KIF16B: variants seen among roughly 807,000 people sequenced by gnomAD.
KIF16B encodes the protein kinesin family member 16B.
In KIF16B, 98 loss-of-function variants were observed where a neutral mutation model predicts 156.3. That is an observed-to-expected ratio of 0.63 (90% CI 0.53 to 0.74). The LOEUF is 0.74. KIF16B is among the 30% of genes least tolerant of loss of function. The probability of loss-of-function intolerance (pLI) is 0.00; values close to 1 mark genes in which losing one functional copy is unlikely to be tolerated. For missense variants in KIF16B, 1,421 were observed against 1,606.5 expected (o/e 0.88, Z 1.97); for synonymous variants, 564 against 583.7 (o/e 0.97, Z 0.49).
intron 25 of KIF16B, among the ~76,000 whole-genome samples, chr20:16,286,645 T>C (rs766484949): frequency 1.2e-4 from 19 of 152,180 alleles, no homozygotes; most frequent in Non-Finnish European, 2.4e-4. Flanking sequence ...CCCAGAATCA[T>C]TTAAAAATAA....
intron 12 of KIF16B, among the ~76,000 whole-genome samples, chr20:16,444,107 G>A (rs1032982203): frequency 6.6e-6 from 1 of 152,200 alleles, no homozygotes; most frequent in Non-Finnish European, 1.5e-5. Flanking sequence ...TCTTTCCTAA[G>A]CCATTACAAA....
chr20:16,423,817 G>A (rs2066283605), intron 15 of KIF16B, among the ~76,000 whole-genome samples: 1 of 152,040 alleles, frequency 6.6e-6, no homozygotes, highest in Non-Finnish European at 1.5e-5. Flanking sequence ...TGTGACTACA[G>A]TCTAGACTCC....
rs552980434 is a variant in KIF16B at position 16,412,415 on chromosome 20, G to T, written c.1613-5959C>A. ...GAAGAGAAAGAGTTGGTAGTAGCCA[G>T]AGGGGATGATAGTGTATTAGTCCAT... On this transcript the variant is annotated intron_variant, in intron 15 of 25. Transcript: ENST00000354981. 3.5e-4 allele frequency among the ~76,000 whole-genome samples: 54 copies of T among 152,250 alleles called. No homozygotes were observed. In the South Asian group the frequency reaches 6.8e-3, roughly 19 times the overall value.
intron 1 of KIF16B, among the ~76,000 whole-genome samples, chr20:16,572,894 C>T (rs1490866362): frequency 6.7e-6 from 1 of 150,118 alleles, no homozygotes; most frequent in African/African-American, 2.5e-5. Flanking sequence ...GGTGCCCCCC[C>T]TCAGCACTCT....
intron 25 of KIF16B, among the ~76,000 whole-genome samples, chr20:16,311,491 CAAAACAAAAACA>C (rs1190532271): frequency 2.0e-5 from 3 of 152,034 alleles, no homozygotes; most frequent in East Asian, 1.9e-4. Flanking sequence ...CCGTCTCAAA[CAAAACAAAAACA>C]AAAACAAAAA....
chr20:16,281,486 C>T (rs995957971), intron 25 of KIF16B, among the ~76,000 whole-genome samples: 6 of 152,146 alleles, frequency 3.9e-5, no homozygotes, highest in Admixed American at 6.5e-5. Flanking sequence ...ACGCATCGAC[C>T]CAGTGTGGTC....
intron 22 of KIF16B, among the ~76,000 whole-genome samples, chr20:16,365,845 C>T (rs1383481226): frequency 6.6e-6 from 1 of 152,142 alleles, no homozygotes; most frequent in Admixed American, 6.5e-5. Flanking sequence ...ATCACTGACT[C>T]ACTCAGCTGC....
At chr20:16,451,559 A>T (rs567475575) in intron 12 of KIF16B, among the ~76,000 whole-genome samples, 1 of 151,608 alleles carries the variant, frequency 6.6e-6, no homozygotes, top group Non-Finnish European at 1.5e-5. Context: ...CCACCACCAC[A>T]ACAACAACAA....
At chr20:16,328,763 C>T (rs2063898959) in intron 24 of KIF16B, among the ~76,000 whole-genome samples, 1 of 152,140 alleles carries the variant, frequency 6.6e-6, no homozygotes, top group South Asian at 2.1e-4. Context: ...GATTCAGTAC[C>T]TGCTGAGGTC....
intron 25 of KIF16B, among the ~76,000 whole-genome samples, chr20:16,281,457 T>G (rs1232098910): frequency 2.6e-5 from 4 of 152,176 alleles, no homozygotes; most frequent in Non-Finnish European, 5.9e-5. Context: ...AGAGTTCAGG[T>G]CACCCCTGGC....
chr20:16,393,628 A>G (rs1404815657), intron 17 of KIF16B, among the ~76,000 whole-genome samples: 1 of 152,246 alleles, frequency 6.6e-6, no homozygotes, highest in Non-Finnish European at 1.5e-5. Context: ...GTTGGAATAC[A>G]GTACTGAAAA....
At chr20:16,278,897 G>A (rs2063104016) in intron 25 of KIF16B, among the ~76,000 whole-genome samples, 1 of 152,144 alleles carries the variant, frequency 6.6e-6, no homozygotes, top group African/African-American at 2.4e-5. Flanking sequence ...TTAGCTGCTT[G>A]GGTCAGATGC....
At chr20:16,472,179 C>T (rs2067680274) in intron 12 of KIF16B, among the ~76,000 whole-genome samples, 1 of 152,188 alleles carries the variant, frequency 6.6e-6, no homozygotes, top group Admixed American at 6.5e-5. Context: ...GTCTTATCTG[C>T]ATATGCTTTC....
intron 15 of KIF16B, among the ~76,000 whole-genome samples, chr20:16,420,502 T>G (rs2066199222): frequency 6.6e-6 from 1 of 152,052 alleles, no homozygotes; most frequent in Non-Finnish European, 1.5e-5. Context: ...ATACCAAATA[T>G]CAGCAATAAA....
chr20:16,289,399 C>T (rs1030078546), intron 25 of KIF16B, among the ~76,000 whole-genome samples: 1 of 152,112 alleles, frequency 6.6e-6, no homozygotes, highest in African/African-American at 2.4e-5. Context: ...TTTGGAAACA[C>T]ATGGGCTTAA....
chr20:16,524,621 T>G (rs1488669051), intron 3 of KIF16B, among the ~76,000 whole-genome samples: 1 of 152,214 alleles, frequency 6.6e-6, no homozygotes, highest in Admixed American at 6.5e-5. Flanking sequence ...AGTGTGGCGA[T>G]TCCTCAAGGA....
chr20:16,341,169 G>A (rs1049624451), intron 23 of KIF16B, among the ~76,000 whole-genome samples: 1 of 152,060 alleles, frequency 6.6e-6, no homozygotes, highest in Non-Finnish European at 1.5e-5. Flanking sequence ...ACTTAACATC[G>A]GCAATAGTTC....
rs1446416904 is a variant in KIF16B, at chr20:16,556,117, C to G, written c.47+17112G>C. On this transcript the variant is annotated intron_variant, in intron 1 of 25. Coordinates refer to ENST00000354981, the MANE Select transcript of KIF16B (RefSeq NM_024704.5). ...ATCAGCCCCCACCTCCCCAGCTCAT[C>G]TTCAGAGGTGGTCCAGTACCAACAG... is the stretch of plus-strand genomic sequence containing the variant. 2.6e-5 allele frequency among the ~76,000 whole-genome samples: 4 copies of G among 152,196 alleles called. No homozygotes were observed. The East Asian group carries it at 7.7e-4, about 29-fold the overall frequency.
chr20:16,487,123 G>T (rs1388967860), intron 12 of KIF16B, among the ~76,000 whole-genome samples: 2 of 151,980 alleles, frequency 1.3e-5, no homozygotes, highest in Non-Finnish European at 2.9e-5. Context: ...CGTGGTGGTG[G>T]GTGCCTGTAT....
Sources: allele counts gnomAD v4.1 joint callset (sites outside exome capture counted in the v4.1 genomes callset), GRCh38; gene constraint gnomAD v4.1.1; transcripts MANE v1.5; gene names NCBI Gene and HGNC (gene_info 2026-07-23, HGNC 2026-07-21).